Variants in KCNAB1 observed in about 807,000 individuals in gnomAD.
KCNAB1 encodes potassium voltage-gated channel subfamily A regulatory beta subunit 1.
In KCNAB1, 35 loss-of-function variants were observed where a neutral mutation model predicts 64.6. The ratio of observed to expected loss-of-function variants is 0.54; its 90% CI spans 0.41 to 0.72. KCNAB1 has a LOEUF of 0.72. Ranked by LOEUF, KCNAB1 falls within the 30% of genes least tolerant of loss-of-function variation. The pLI is 0.00. For missense variants in KCNAB1, 401 were observed against 512.9 expected (o/e 0.78, Z 2.11); for synonymous variants, 177 against 183.8 (o/e 0.96, Z 0.30).
intron 1 of KCNAB1, among the ~76,000 whole-genome samples, chr3:156,375,924 A>G (rs1711620884): frequency 6.6e-6 from 1 of 152,094 alleles, no homozygotes. Flanking sequence ...GGTTTAAGCA[A>G]TTCTCCTGCC....
intron 12 of KCNAB1, among the ~76,000 whole-genome samples, chr3:156,526,849 G>A (rs1718339899): frequency 7.5e-6 from 1 of 133,274 alleles, no homozygotes; most frequent in African/African-American, 2.8e-5. Flanking sequence ...TAAAATGGGT[G>A]CTGATTCTAG....
chr3:156,455,872 T>A (rs1712379505), intron 3 of KCNAB1: 1 of 152,198 alleles, frequency 6.6e-6, no homozygotes, highest in Non-Finnish European at 1.5e-5. Flanking sequence ...CAAAGAATAA[T>A]GTTCCTAGAA....
chr3:156,516,064 T>C (rs1448151058), intron 10 of KCNAB1, among the ~76,000 whole-genome samples: 1 of 149,002 alleles, frequency 6.7e-6, no homozygotes, highest in Non-Finnish European at 1.5e-5. Context: ...TGACAGTCCA[T>C]GTTTAATTGG....
chr3:156,239,425 C>T (rs1004834318), intron 1 of KCNAB1, among the ~76,000 whole-genome samples: 2 of 152,162 alleles, frequency 1.3e-5, no homozygotes, highest in Non-Finnish European at 2.9e-5. Context: ...GTGAGTCAGT[C>T]CTTAGCAAAT....
intron 11 of KCNAB1, among the ~76,000 whole-genome samples, chr3:156,519,456 T>C (rs1318250790): frequency 6.6e-6 from 1 of 152,204 alleles, no homozygotes; most frequent in African/African-American, 2.4e-5. Context: ...TCCCTTCTTA[T>C]TGCTAAAGAC....
At chr3:156,202,526 A>G (rs1273708801) in intron 1 of KCNAB1, among the ~76,000 whole-genome samples, 1 of 152,150 alleles carries the variant, frequency 6.6e-6, no homozygotes, top group Non-Finnish European at 1.5e-5. Flanking sequence ...GGCTGTGTCT[A>G]GTCAGCCATC....
At chr3:156,296,461 TCCC>T (rs9331285) in intron 1 of KCNAB1, among the ~76,000 whole-genome samples, 37,179 of 111,844 alleles carry the variant, frequency 0.33, 6,562 homozygotes, top group African/African-American at 0.52. Flanking sequence ...AAACTTCAAC[TCCC>T]CCCCCCCCCA....
intron 1 of KCNAB1, among the ~76,000 whole-genome samples, chr3:156,180,684 A>T (rs977407359): frequency 6.6e-6 from 1 of 152,176 alleles, no homozygotes; most frequent in South Asian, 2.1e-4. Context: ...AGATGCAATG[A>T]TGATGATAGA....
chr3:156,120,369 T>C (rs141154529), upstream of KCNAB1, among the ~76,000 whole-genome samples: 4 of 152,214 alleles, frequency 2.6e-5, no homozygotes, highest in Admixed American at 6.5e-5. Flanking sequence ...TTGTTGGGAG[T>C]TGTTTTTAAA....
chr3:156,504,069 A>G (rs936033635), intron 8 of KCNAB1, among the ~76,000 whole-genome samples: 2 of 151,788 alleles, frequency 1.3e-5, no homozygotes, highest in African/African-American at 4.8e-5. Context: ...TTTCCCTCCC[A>G]CTCATCCCAG....
intron 1 of KCNAB1, among the ~76,000 whole-genome samples, chr3:156,258,672 G>T (rs1718244633): frequency 6.6e-6 from 1 of 152,080 alleles, no homozygotes; most frequent in South Asian, 2.1e-4. Flanking sequence ...ATTAAAATCG[G>T]GCAATCATTT....
At chr3:156,129,229 T>C (rs552269971) in intron 1 of KCNAB1, among the ~76,000 whole-genome samples, 1 of 152,316 alleles carries the variant, frequency 6.6e-6, no homozygotes, top group Admixed American at 6.5e-5. Flanking sequence ...TATGCTTAAG[T>C]ATGTTCCAGG....
At chr3:156,392,702 T>C (rs1296203648) in intron 1 of KCNAB1, among the ~76,000 whole-genome samples, 1 of 152,248 alleles carries the variant, frequency 6.6e-6, no homozygotes, top group Non-Finnish European at 1.5e-5. Context: ...TGTATGAATG[T>C]TAATATAAGC....
chr3:156,456,852 T>G (rs1024994879), intron 3 of KCNAB1: 2 of 153,576 alleles, frequency 1.3e-5, no homozygotes, highest in African/African-American at 4.8e-5. Flanking sequence ...CAAGGAGCTT[T>G]GAGGTCTGTT....
In KCNAB1 at chr3:156,166,005, G is replaced by T. The variant is rs113110123; in HGVS notation, c.275+45119G>T. ...GCCTTTTGCGATGTTGGGAACTGGG[G>T]TGTGTGAATCACCTGATTTCTGGCT... On this transcript the variant is annotated intron_variant, in intron 1 of 13. Coordinates refer to ENST00000490337, the MANE Select transcript of KCNAB1 (RefSeq NM_172160.3). Among the ~76,000 whole-genome samples the T allele has an allele frequency of 5.6e-3, 846 of 152,274 alleles. 19 individuals carry two copies. Among genetic ancestry groups the T allele is most frequent in the African/African-American group, 0.02 (818 of 41,540 alleles).
At position 156,480,925 on chromosome 3, in the gene KCNAB1, T is replaced by C. The variant is rs372168651; in HGVS notation, c.658+6105T>C. Among the ~76,000 whole-genome samples, 15 of 152,224 alleles carry C rather than the reference T, an allele frequency of 9.9e-5. No individual in the cohort carries two copies. In the East Asian group the frequency reaches 1.9e-3, roughly 20 times the overall value. ...GCTGGATGAATGACTGAGCAAGTGT[T>C]TGAGTGATTGAATGAATAAAGCTCC... is the stretch of plus-strand genomic sequence containing the variant. On this transcript the variant is annotated intron_variant, in intron 8 of 13. Transcript: ENST00000490337.
intron 8 of KCNAB1, among the ~76,000 whole-genome samples, chr3:156,504,625 T>G (rs1405428911): frequency 1.3e-5 from 2 of 152,094 alleles, no homozygotes; most frequent in African/African-American, 2.4e-5. Flanking sequence ...ATCTTATGCC[T>G]TGTTTTTGTT....
chr3:156,463,644 C>A, intron 5 of KCNAB1, 58 bp from the exon 6 acceptor site: 1 of 1,288,016 alleles, frequency 7.8e-7, no homozygotes, highest in Admixed American at 2.1e-5. Flanking sequence ...TAATATGACT[C>A]GGTACAATAA....
rs1180338636 is a variant in KCNAB1, at chr3:156,480,171, CTCTA to C, written c.658+5355_658+5358del. On this transcript the variant is annotated intron_variant, in intron 8 of 13. Coordinates refer to ENST00000490337, the MANE Select transcript of KCNAB1 (RefSeq NM_172160.3). ...AACCACAGTAGATCAGGCCTTCTGC[CTCTA>C]TCTTTTATTATCTTCCCTGAAAGTT... Among the ~76,000 whole-genome samples the C allele has an allele frequency of 1.3e-4, 20 of 152,224 alleles. No individual in the cohort carries two copies. The East Asian group carries it at 3.9e-3, about 29-fold the overall frequency.
Sources: gnomAD v4.1 joint callset for allele counts (sites outside exome capture counted in the v4.1 genomes callset) on GRCh38, gnomAD v4.1.1 for gene constraint, MANE v1.5 for transcripts, NCBI Gene and HGNC (gene_info 2026-07-23, HGNC 2026-07-21) for gene names.